The following CERK variants were observed in gnomAD, a reference collection of about 807,000 sequenced individuals.
CERK encodes the protein ceramide kinase.
A neutral mutation model predicts 63.4 loss-of-function variants in CERK; 39 were observed. That is an observed-to-expected ratio of 0.61 (90% confidence interval 0.48 to 0.80). The LOEUF is 0.80. Among genes scored for constraint, CERK ranks in the 30% least tolerant of loss-of-function variants. The probability of loss-of-function intolerance (pLI) is 0.00; values close to 1 mark genes in which losing one functional copy is unlikely to be tolerated. For missense variants in CERK, 670 were observed against 714.1 expected, an observed-to-expected ratio of 0.94 and a Z score of 0.70; for synonymous variants, 302 against 280.0, an observed-to-expected ratio of 1.08 and a Z score of -0.78.
At chr22:46,713,287 G>A (rs932497305) in intron 3 of CERK, among the ~76,000 whole-genome samples, 4 of 151,168 alleles carry the variant, frequency 2.6e-5, no homozygotes, top group South Asian at 2.1e-4. Context: ...GGCGGATCAC[G>A]AGGTCAGGAG....
At chr22:46,735,781 C>A (rs1039620934) in intron 1 of CERK, among the ~76,000 whole-genome samples, 2 of 152,238 alleles carry the variant, frequency 1.3e-5, no homozygotes, top group East Asian at 1.9e-4. Flanking sequence ...GTCCTGTGAG[C>A]TGGTTCACAT....
At chr22:46,712,114 A>G in intron 4 of CERK, 54 bp downstream of exon 4, 1 of 1,602,700 alleles carries the variant, frequency 6.2e-7, no homozygotes, top group Non-Finnish European at 8.5e-7. Flanking sequence ...TCTAGTGACT[A>G]TACTTGAATC....
At chr22:46,735,877 G>C (rs905386487) in intron 1 of CERK, among the ~76,000 whole-genome samples, 3 of 152,208 alleles carry the variant, frequency 2.0e-5, no homozygotes, top group South Asian at 4.1e-4. Context: ...GTAAAGCTAT[G>C]AGAAAAAAAC....
At chr22:46,713,230 C>T (rs924988927) in intron 3 of CERK, among the ~76,000 whole-genome samples, 4 of 152,150 alleles carry the variant, frequency 2.6e-5, no homozygotes, top group Non-Finnish European at 4.4e-5. Context: ...CAGGGCCAGG[C>T]GCGGTGGCTC....
Position 46,697,840 on chromosome 22 carries a change from G to A in CERK, c.943+1473C>T, listed in dbSNP as rs61405173. Among the ~76,000 whole-genome samples, 1,733 of 152,294 alleles carry A rather than the reference G, an allele frequency of 0.011. 86 individuals are homozygous for A. The East Asian group carries it at 0.13, about 12-fold the overall frequency. ...ATTTTTAAAGTTCTCCTTTTCCAGC[G>A]TTTAAAAGCTGGTGACGTCGCACCC... On this transcript the variant is annotated intron_variant, in intron 8 of 12. Transcript: ENST00000216264.
intron 6 of CERK, among the ~76,000 whole-genome samples, chr22:46,706,539 C>G (rs1291932565): frequency 6.6e-6 from 1 of 152,180 alleles, no homozygotes; most frequent in Non-Finnish European, 1.5e-5. Flanking sequence ...AGCCTGGAGC[C>G]AGGCTGTTCT....
At chr22:46,704,428 C>T (rs1031592363) in intron 6 of CERK, among the ~76,000 whole-genome samples, 9 of 152,162 alleles carry the variant, frequency 5.9e-5, no homozygotes, top group African/African-American at 1.4e-4. Context: ...GAATCCAGAA[C>T]GCACCACATA....
rs147855915 is a variant in CERK, at chr22:46,718,172, C to G, written c.379+1914G>C. Among the ~76,000 whole-genome samples, 520 of 152,220 alleles carry G rather than the reference C, an allele frequency of 3.4e-3. 4 individuals carry two copies. The highest frequency in any genetic ancestry group is 0.012 in the African/African-American group (508 of 41,536). On this transcript the variant is annotated intron_variant, in intron 3 of 12. Transcript: ENST00000216264. ...GTAGCTGAAACAATAGAATCATATA[C>G]AATTTTTAGCTACAAGGAGACTATA...
chr22:46,712,850 T>TA (rs1451669220), intron 3 of CERK, among the ~76,000 whole-genome samples: 1 of 146,756 alleles, frequency 6.8e-6, no homozygotes, highest in Admixed American at 6.8e-5. Flanking sequence ...TTCTTTTCTT[T>TA]TTTTTTTTTT....
rs184332829 is a variant in CERK at position 46,722,211 on chromosome 22, A to C, written c.143-1196T>G. Reference sequence around the variant, plus strand: ...ATTTTTGCCGTAGCTAAATGCAAAAAAAATTGCTATAACATTTGTGGTAAT... The same window carrying C: ...ATTTTTGCCGTAGCTAAATGCAAAACAAATTGCTATAACATTTGTGGTAAT... On this transcript the variant is annotated intron_variant, in intron 1 of 12. Transcript: ENST00000216264. Among the ~76,000 whole-genome samples, 397 of 152,362 alleles carry C rather than the reference A, an allele frequency of 2.6e-3. 1 individual carries two copies. Among genetic ancestry groups the C allele is most frequent in the Non-Finnish European group, 4.7e-3 (318 of 68,044 alleles).
At position 46,696,927 on chromosome 22, in the gene CERK, G is replaced by A. The variant is rs573007888; in HGVS notation, c.944-1612C>T. ...AGGGGGCATCCCAGGGGCATTCTAGGCAGAGCCACACTGGGCTCAACAAAG... is the reference window on the plus strand; with the variant it reads ...AGGGGGCATCCCAGGGGCATTCTAGACAGAGCCACACTGGGCTCAACAAAG... On this transcript the variant is annotated intron_variant, in intron 8 of 12. Transcript: ENST00000216264. Among the ~76,000 whole-genome samples the A allele has an allele frequency of 1.2e-3, 189 of 152,318 alleles. 1 individual carries two copies. Among genetic ancestry groups the A allele is most frequent in the African/African-American group, 4.4e-3 (181 of 41,574 alleles).
At chr22:46,692,534 G>A (rs1485329090) in intron 10 of CERK, among the ~76,000 whole-genome samples, 1 of 151,928 alleles carries the variant, frequency 6.6e-6, no homozygotes, top group Non-Finnish European at 1.5e-5. Flanking sequence ...CCCAGAAGGT[G>A]GAGGTTGCAG....
At chr22:46,696,759 G>A (rs2082758572) in intron 8 of CERK, among the ~76,000 whole-genome samples, 1 of 152,226 alleles carries the variant, frequency 6.6e-6, no homozygotes, top group Admixed American at 6.5e-5. Flanking sequence ...AGACCCGGAA[G>A]GCGTCTCCTG....
At chr22:46,729,838 G>A (rs1427481418) in intron 1 of CERK, among the ~76,000 whole-genome samples, 3 of 152,014 alleles carry the variant, frequency 2.0e-5, no homozygotes, top group African/African-American at 4.8e-5. Flanking sequence ...AGGAGATCGA[G>A]ACCATCCTGG....
chr22:46,698,468 C>A (rs1260421970), intron 8 of CERK, among the ~76,000 whole-genome samples: 2 of 152,208 alleles, frequency 1.3e-5, no homozygotes, highest in Non-Finnish European at 2.9e-5. Flanking sequence ...AACCACGCAA[C>A]CTTGTTGAAT....
chr22:46,698,473 T>C (rs531113713), intron 8 of CERK, among the ~76,000 whole-genome samples: 1 of 152,326 alleles, frequency 6.6e-6, no homozygotes, highest in Non-Finnish European at 1.5e-5. Flanking sequence ...CGCAACCTTG[T>C]TGAATGAAGT....
At chr22:46,736,673 A>G (rs1040205223) in intron 1 of CERK, among the ~76,000 whole-genome samples, 2 of 152,138 alleles carry the variant, frequency 1.3e-5, no homozygotes, top group Admixed American at 1.3e-4. Context: ...ATACCTTAGG[A>G]AAGTCAAGTC....
At chr22:46,688,377 A>G (rs992338253) in intron 12 of CERK, among the ~76,000 whole-genome samples, 3 of 152,362 alleles carry the variant, frequency 2.0e-5, no homozygotes, top group South Asian at 4.1e-4. Context: ...TAATAAATAC[A>G]TACACCAATA....
intron 1 of CERK, among the ~76,000 whole-genome samples, chr22:46,732,482 C>A (rs540140215): frequency 3.9e-5 from 6 of 151,904 alleles, no homozygotes; most frequent in Non-Finnish European, 8.8e-5. Flanking sequence ...CTTAAACACA[C>A]AGAAAGTGTA....
Sources: allele counts gnomAD v4.1 joint callset (sites outside exome capture counted in the v4.1 genomes callset), GRCh38; gene constraint gnomAD v4.1.1; transcripts MANE v1.5; gene names NCBI Gene and HGNC (gene_info 2026-07-23, HGNC 2026-07-21).